Variants in ZNF454 observed in about 807,000 individuals in gnomAD.
ZNF454 encodes the protein zinc finger protein 454.
A neutral mutation model predicts 48.2 loss-of-function variants in ZNF454; 30 were observed. The ratio of observed to expected loss-of-function variants is 0.62; its 90% confidence interval spans 0.47 to 0.84. The LOEUF is 0.84. ZNF454 is among the 40% of genes least tolerant of loss of function. The pLI, the probability that ZNF454 is intolerant of heterozygous loss-of-function variation, is 0.00. For missense variants in ZNF454, 510 were observed against 623.1 expected (o/e 0.82, Z 1.93); for synonymous variants, 204 against 211.4 (o/e 0.97, Z 0.30).
chr5:178,956,946 C>T (rs1164124502), intron 4 of ZNF454: 3 of 267,040 alleles, frequency 1.1e-5, no homozygotes, highest in Non-Finnish European at 2.4e-5. Context: ...TGCAGTGGTA[C>T]AATCTCGGCT....
Position 178,946,898 on chromosome 5 carries a change from A to G in ZNF454, c.162A>G (p.Gly54=). Residue 54 remains glycine, a splice_region_variant and synonymous_variant, in exon 4 of 5, where the codon GGA becomes GGG. Transcript: ENST00000519564. The surrounding 1 kb of genome is among the most constrained non-coding windows in gnomAD (Gnocchi z 4.5). ...ATTTTTGTCTCCCCTTAAAAACAGG[A>G]CTCTTAGGACCCAAACCAGATACGT... is the stretch of plus-strand genomic sequence containing the variant. The part of the protein sequence containing the change: ...LENYSNLVSL[G]LLGPKPDTFS... 1 of 1,613,152 alleles carries G rather than the reference A, an allele frequency of 6.2e-7. No homozygotes were observed.
intron 4 of ZNF454, 62 bp downstream of exon 4, chr5:178,947,048 G>A (rs1309177606): frequency 6.4e-6 from 9 of 1,397,024 alleles, no homozygotes. Context: ...AGGCTCCGTA[G>A]GGAAGGCAGG....
intron 4 of ZNF454, among the ~76,000 whole-genome samples, chr5:178,959,616 T>C (rs923371380): frequency 1.3e-5 from 2 of 152,194 alleles, no homozygotes; most frequent in African/African-American, 4.8e-5. Context: ...TCATTTCCTT[T>C]TTTTTTTGAG....
the ZNF454 span, chr5:178,989,346 C>T: frequency 6.8e-6 from 11 of 1,613,786 alleles, no homozygotes; most frequent in East Asian, 2.2e-5. Flanking sequence ...CAGAACTCGG[C>T]GAACCAGATG....
At chr5:178,969,594 C>T (rs1186744946), downstream of ZNF454, 10 of 456,764 alleles carry the variant, frequency 2.2e-5, no homozygotes, top group Non-Finnish European at 2.6e-5. Context: ...GTCCAGCCTG[C>T]GCCTGCTTCA....
intron 4 of ZNF454, among the ~76,000 whole-genome samples, chr5:178,962,709 T>C (rs540938729): frequency 6.6e-6 from 1 of 151,920 alleles, no homozygotes; most frequent in African/African-American, 2.4e-5. Flanking sequence ...TGTCTGTTTT[T>C]CCCTCTTCAT....
chr5:178,987,594 G>T, the ZNF454 span: 20 of 380,728 alleles, frequency 5.3e-5, no homozygotes, highest in South Asian at 3.9e-4. Flanking sequence ...ACCACAGGAG[G>T]TACCGAGGGT....
At chr5:178,956,519 GA>G (rs397955241) in intron 4 of ZNF454, among the ~76,000 whole-genome samples, 3,603 of 112,428 alleles carry the variant, frequency 0.032, 121 homozygotes, top group African/African-American at 0.12. Flanking sequence ...CTCCTGAAAA[GA>G]AAAAAAAAAA....
the ZNF454 span, chr5:178,986,287 A>G: frequency 4.3e-6 from 7 of 1,614,090 alleles, no homozygotes; most frequent in Non-Finnish European, 5.9e-6. Flanking sequence ...CAGGCCCAGG[A>G]AGAGCCTGCG....
chr5:178,986,111 T>C, the ZNF454 span: 20 of 1,609,866 alleles, frequency 1.2e-5, no homozygotes, highest in Non-Finnish European at 8.5e-7. Flanking sequence ...CCCTGGCCCT[T>C]GGGAGCCTAC....
At chr5:178,985,832 G>C in the ZNF454 span, 1 of 537,554 alleles carries the variant, frequency 1.9e-6, no homozygotes, top group African/African-American at 1.9e-5. Context: ...TGCGATCTTG[G>C]CTCACAGCAA....
rs1561691096 is a variant in ZNF454, at chr5:178,941,485, G to A, written c.-108+41G>A. On this transcript the variant is annotated intron_variant, in intron 1 of 4. Transcript: ENST00000519564. The surrounding 1 kb of genome is among the most constrained non-coding windows in gnomAD (Gnocchi z 5.5). ...GATCCCAGAGAGGGAGGACGGCCAG[G>A]GGTGGTCATCCTGGGCTGAGGGTCG... 1.1e-5 allele frequency: 5 copies of A among 456,592 alleles called. No individual in the cohort carries two copies. The highest frequency in any genetic ancestry group is 7.0e-5 in the East Asian group (1 of 14,374). 28.3% of individuals were successfully genotyped at this position (456,592 alleles called of 1,614,324 possible).
chr5:178,988,839 C>T, the ZNF454 span: 1 of 1,012,888 alleles, frequency 9.9e-7, no homozygotes, highest in Non-Finnish European at 1.5e-6. The surrounding 1 kb of genome is among the most constrained non-coding windows in gnomAD (Gnocchi z 6.0). Flanking sequence ...CTCAGCCTCA[C>T]CCAGCCCTTC....
intron 4 of ZNF454, among the ~76,000 whole-genome samples, chr5:178,947,291 G>C (rs1475636730): frequency 6.6e-6 from 1 of 152,182 alleles, no homozygotes; most frequent in African/African-American, 2.4e-5. Flanking sequence ...CCATTCATGG[G>C]TGTCCTGTTC....
the ZNF454 span, chr5:178,977,267 G>A: frequency 1.0e-4 from 28 of 280,408 alleles, no homozygotes; most frequent in African/African-American, 6.0e-4. Flanking sequence ...TGGGGCCTTT[G>A]GGAGGTTATG....
chr5:178,986,626 C>G, the ZNF454 span: 1 of 1,603,030 alleles, frequency 6.2e-7, no homozygotes, highest in Non-Finnish European at 8.5e-7. Flanking sequence ...GTACCCGTCA[C>G]AGGCCTCGCA....
At chr5:178,977,374 C>T in the ZNF454 span, 1 of 455,280 alleles carries the variant, frequency 2.2e-6, no homozygotes, top group Admixed American at 2.4e-5. Context: ...CAAGGGAGTG[C>T]TGTTTAAGAA....
At chr5:178,945,711 G>T (rs1289374317) in intron 2 of ZNF454, among the ~76,000 whole-genome samples, 3 of 151,536 alleles carry the variant, frequency 2.0e-5, no homozygotes, top group Non-Finnish European at 4.4e-5. Context: ...GTGTGGGTAT[G>T]GGTGTGTGTG....
Position 178,944,143 on chromosome 5 carries a change from C to T in ZNF454, c.33+1319C>T, listed in dbSNP as rs963503820. Among the ~76,000 whole-genome samples, 1 of 152,214 alleles carries T rather than the reference C, an allele frequency of 6.6e-6. No individual in the cohort carries two copies. The highest frequency in any genetic ancestry group is 1.5e-5 in the Non-Finnish European group (1 of 68,056). On this transcript the variant is annotated intron_variant, in intron 2 of 4. Coordinates refer to ENST00000519564, the MANE Select transcript of ZNF454 (RefSeq NM_001178089.3). This position sits in a 1 kb window ranked among gnomAD's most constrained non-coding sequence, Gnocchi z 4.1. ...TTCTAATTCCTTCACATTTAAACCT[C>T]CCCAAGGACTGGGATGTGTGGCAGG...
Sources: allele counts gnomAD v4.1 joint callset (sites outside exome capture counted in the v4.1 genomes callset), GRCh38; gene constraint gnomAD v4.1.1; non-coding constraint Gnocchi (gnomAD v3.1); transcripts MANE v1.5; gene names NCBI Gene and HGNC (gene_info 2026-07-23, HGNC 2026-07-21).